TLE1: variants seen among roughly 807,000 people sequenced by gnomAD.
The protein encoded by TLE1 is TLE family member 1, transcriptional corepressor.
A neutral mutation model predicts 89.8 loss-of-function variants in TLE1; 21 were observed. The ratio of observed to expected loss-of-function variants is 0.23; its 90% CI spans 0.17 to 0.34. The LOEUF is 0.34. Among genes scored for constraint, TLE1 ranks in the 10% least tolerant of loss-of-function variants. The pLI, the probability that TLE1 is intolerant of heterozygous loss-of-function variation, is 1.00. For missense variants in TLE1, 795 were observed against 1,031.2 expected, an observed-to-expected ratio of 0.77 and a Z score of 3.14; for synonymous variants, 447 against 407.6, an observed-to-expected ratio of 1.10 and a Z score of -1.16.
intron 4 of TLE1, among the ~76,000 whole-genome samples, chr9:81,666,776 A>AAAATAAATAAATAAATAAATAAAT (rs58357123): frequency 4.4e-4 from 63 of 141,800 alleles, no homozygotes; most frequent in African/African-American, 6.9e-4. Flanking sequence ...CTCGTCTCAC[A>AAAATAAATAAATAAATAAATAAAT]AAATAAATAA....
intron 10 of TLE1, 73 bp downstream of exon 10, chr9:81,616,573 T>C: frequency 6.5e-7 from 1 of 1,549,364 alleles, no homozygotes; most frequent in Non-Finnish European, 8.9e-7. Context: ...ACTTCCTTCA[T>C]TCACTGTTAG....
rs1439134319 is a variant in TLE1 at position 81,588,092 on chromosome 9, TTAAATATGC to T, written c.1830-273_1830-265del. 3.3e-5 allele frequency among the ~76,000 whole-genome samples: 5 copies of T among 152,306 alleles called. No individual in the cohort carries two copies. In the East Asian group the frequency reaches 9.7e-4, roughly 30 times the overall value. On this transcript the variant is annotated intron_variant, in intron 16 of 19. Coordinates refer to ENST00000376499, the MANE Select transcript of TLE1 (RefSeq NM_005077.5). ...GCCACTGCAGGTCACTACCCAGAAC[TTAAATATGC>T]TACTCTGACAAAACCGTCTGGAAGG... is the stretch of plus-strand genomic sequence containing the variant.
Position 81,660,421 on chromosome 9 carries a change from T to C in TLE1, c.235-6385A>G, listed in dbSNP as rs560084239. On this transcript the variant is annotated intron_variant, in intron 4 of 19. Coordinates refer to ENST00000376499, the MANE Select transcript of TLE1 (RefSeq NM_005077.5). Reference sequence around the variant, plus strand: ...TGGTTTTATTTTTTTATTTTATTATTATTATTTTTTGAGACAGAGTCTCGT... The same window carrying C: ...TGGTTTTATTTTTTTATTTTATTATCATTATTTTTTGAGACAGAGTCTCGT... Among the ~76,000 whole-genome samples the C allele has an allele frequency of 2.6e-5, 4 of 152,052 alleles. No individual in the cohort carries two copies. In the South Asian group the frequency reaches 6.2e-4, roughly 24 times the overall value.
At chr9:81,603,595 A>G (rs1295187437) in intron 14 of TLE1, among the ~76,000 whole-genome samples, 1 of 152,176 alleles carries the variant, frequency 6.6e-6, no homozygotes, top group Non-Finnish European at 1.5e-5. Flanking sequence ...TTTGTCTCCC[A>G]CAAGTTTTCC....
chr9:81,588,357 C>T (rs531304195), intron 16 of TLE1, among the ~76,000 whole-genome samples: 2 of 152,276 alleles, frequency 1.3e-5, no homozygotes, highest in South Asian at 4.1e-4. Context: ...GCCAACAGAG[C>T]ATGAGCTCAT....
intron 14 of TLE1, among the ~76,000 whole-genome samples, chr9:81,605,502 T>A (rs1831518337): frequency 6.6e-6 from 1 of 152,168 alleles, no homozygotes; most frequent in South Asian, 2.1e-4. Flanking sequence ...TCAGGCAATA[T>A]TACTTTACTA....
At chr9:81,622,642 T>C (rs112523583) in intron 8 of TLE1, among the ~76,000 whole-genome samples, 5 of 152,376 alleles carry the variant, frequency 3.3e-5, no homozygotes, top group African/African-American at 1.2e-4. Flanking sequence ...GCGGCTTAAA[T>C]GAAGCTTATA....
Position 81,687,404 on chromosome 9 carries a change from T to C in TLE1, c.55A>G (p.Lys19Glu). The change falls in exon 2 of 20, where the codon AAG (lysine) becomes GAG (glutamate). Residue 19 changes from lysine (K) to glutamate (E), a missense_variant. Physicochemically the swap from Lys to Glu is moderately conservative, Grantham distance 56 (BLOSUM62 1). Transcript: ENST00000376499. ...TCCAGGGACTCCGGGATAGTGAACT[T>C]GAAGGGCTGGCCTGCAGCCTGGTGC... ...TPHQAAGQPF[K>E]FTIPESLDRI... 2 of 1,611,388 alleles carry C rather than the reference T, an allele frequency of 1.2e-6. No individual in the cohort carries two copies. The highest frequency in any genetic ancestry group is 1.7e-6 in the Non-Finnish European group (2 of 1,179,386).
chr9:81,601,843 AG>A (rs765146342), intron 14 of TLE1, among the ~76,000 whole-genome samples: 35 of 152,352 alleles, frequency 2.3e-4, no homozygotes, highest in Non-Finnish European at 4.0e-4. Context: ...AATGAATCAC[AG>A]GATCTTACAC....
At chr9:81,661,609 A>G (rs1398503737) in intron 4 of TLE1, among the ~76,000 whole-genome samples, 1 of 152,202 alleles carries the variant, frequency 6.6e-6, no homozygotes, top group Non-Finnish European at 1.5e-5. Flanking sequence ...AGCCAAGATA[A>G]AAACACAGTG....
chr9:81,630,741 A>T (rs1371225493), intron 8 of TLE1, among the ~76,000 whole-genome samples: 5 of 152,240 alleles, frequency 3.3e-5, no homozygotes, highest in Non-Finnish European at 5.9e-5. Flanking sequence ...TTTCTAATTC[A>T]AACCACTTTA....
intron 6 of TLE1, among the ~76,000 whole-genome samples, chr9:81,647,283 A>G (rs985830486): frequency 6.6e-6 from 1 of 152,224 alleles, no homozygotes; most frequent in African/African-American, 2.4e-5. Flanking sequence ...TCTTGTGCCA[A>G]CAATGACACT....
intron 4 of TLE1, among the ~76,000 whole-genome samples, chr9:81,665,469 C>A (rs1196310880): frequency 6.6e-6 from 1 of 152,072 alleles, no homozygotes; most frequent in Non-Finnish European, 1.5e-5. Context: ...CACTCCTCAT[C>A]TTTCACACTC....
intron 6 of TLE1, among the ~76,000 whole-genome samples, chr9:81,641,748 C>T (rs888707257): frequency 6.6e-6 from 1 of 152,160 alleles, no homozygotes; most frequent in African/African-American, 2.4e-5. Flanking sequence ...TCAGGCTGGG[C>T]GCAGTGGCTC....
intron 6 of TLE1, among the ~76,000 whole-genome samples, chr9:81,651,837 G>A (rs889807670): frequency 3.3e-5 from 5 of 152,136 alleles, no homozygotes; most frequent in Admixed American, 6.6e-5. Flanking sequence ...GTAGATTTAG[G>A]GACGGGCAAG....
chr9:81,645,605 T>C (rs1828760955), intron 6 of TLE1, among the ~76,000 whole-genome samples: 1 of 151,484 alleles, frequency 6.6e-6, no homozygotes, highest in Admixed American at 6.6e-5. Flanking sequence ...CCAGGCGTGG[T>C]GGCACATGCC....
intron 4 of TLE1, among the ~76,000 whole-genome samples, chr9:81,656,402 T>C (rs1390225131): frequency 2.0e-5 from 3 of 152,230 alleles, no homozygotes; most frequent in Non-Finnish European, 2.9e-5. Context: ...ACTCTGTACA[T>C]TCCTCTTCTC....
chr9:81,584,340 G>T, intron 19 of TLE1, 35 bp from the exon 20 acceptor site: 1 of 1,610,428 alleles, frequency 6.2e-7, no homozygotes, highest in Non-Finnish European at 8.5e-7. Context: ...TGTTTAATGT[G>T]GAACAACGGT....
chr9:81,589,698 T>A (rs1274501685), intron 16 of TLE1, among the ~76,000 whole-genome samples: 1 of 152,008 alleles, frequency 6.6e-6, no homozygotes, highest in Non-Finnish European at 1.5e-5. Flanking sequence ...GAGAACTAAG[T>A]GGAGGAATAT....
Sources: allele counts gnomAD v4.1 joint callset (sites outside exome capture counted in the v4.1 genomes callset), GRCh38; gene constraint gnomAD v4.1.1; transcripts MANE v1.5; gene names NCBI Gene and HGNC (gene_info 2026-07-23, HGNC 2026-07-21).